Variants in EBF1 observed in about 807,000 individuals in gnomAD.
The protein encoded by EBF1 is EBF transcription factor 1.
EBF1 carries 10 observed loss-of-function variants against 68.4 expected under a neutral mutation model. The ratio of observed to expected loss-of-function variants is 0.15; its 90% confidence interval spans 0.09 to 0.25. EBF1 has a LOEUF of 0.25. EBF1 is among the 10% of genes least tolerant of loss of function. The pLI, the probability that EBF1 is intolerant of heterozygous loss-of-function variation, is 1.00. For synonymous variants in EBF1, 298 were observed against 299.8 expected (o/e 0.99, Z 0.06); for missense variants, 509 against 794.4 (o/e 0.64, Z 4.32).
intron 6 of EBF1, among the ~76,000 whole-genome samples, chr5:158,974,666 G>A (rs1221581580): frequency 1.3e-5 from 2 of 152,120 alleles, no homozygotes; most frequent in Admixed American, 1.3e-4. Context: ...TTATAAAAAT[G>A]TTTTAAAATG....
chr5:158,709,570 C>A (rs1367383907), intron 14 of EBF1, among the ~76,000 whole-genome samples: 1 of 152,160 alleles, frequency 6.6e-6, no homozygotes, highest in Non-Finnish European at 1.5e-5. Flanking sequence ...AGTGGGAATC[C>A]AATTGGTCAT....
At chr5:158,998,224 C>A (rs546846671) in intron 6 of EBF1, among the ~76,000 whole-genome samples, 53 of 152,224 alleles carry the variant, frequency 3.5e-4, no homozygotes, top group Non-Finnish European at 6.3e-4. Flanking sequence ...TATTTGTTTT[C>A]CAGAGCCAAA....
intron 15 of EBF1, among the ~76,000 whole-genome samples, chr5:158,701,668 C>T (rs1756800615): frequency 6.6e-6 from 1 of 152,248 alleles, no homozygotes; most frequent in Non-Finnish European, 1.5e-5. Context: ...GCAGGAATGC[C>T]TGCTCACAGC....
At chr5:158,938,209 T>C (rs1211745035) in intron 6 of EBF1, among the ~76,000 whole-genome samples, 1 of 152,178 alleles carries the variant, frequency 6.6e-6, no homozygotes, top group African/African-American at 2.4e-5. Context: ...TTGCGATACT[T>C]TAACATAGCC....
intron 15 of EBF1, among the ~76,000 whole-genome samples, chr5:158,707,205 A>G (rs930511138): frequency 6.6e-5 from 10 of 152,230 alleles, no homozygotes; most frequent in South Asian, 2.1e-4. Context: ...GAGGTTGTGC[A>G]GGTCTCAACA....
At chr5:159,051,453 G>GC (rs1185404552) in intron 6 of EBF1, among the ~76,000 whole-genome samples, 12 of 82,840 alleles carry the variant, frequency 1.4e-4, no homozygotes, top group South Asian at 9.8e-4. Flanking sequence ...CCACCCCGCC[G>GC]CCCGGCGGCT....
chr5:158,766,280 TAG>T (rs1772648705), intron 10 of EBF1, among the ~76,000 whole-genome samples: 1 of 152,106 alleles, frequency 6.6e-6, no homozygotes, highest in African/African-American at 2.4e-5. Flanking sequence ...GCACCATGCA[TAG>T]ATTTAAAAAG....
At chr5:158,720,274 G>A (rs1761653741) in intron 11 of EBF1, among the ~76,000 whole-genome samples, 1 of 152,118 alleles carries the variant, frequency 6.6e-6, no homozygotes, top group African/African-American at 2.4e-5. Context: ...TGAAAGCCTG[G>A]GTGACATTAC....
At chr5:158,851,363 AGAAGGAAAGG>A (rs1457076557) in intron 6 of EBF1, among the ~76,000 whole-genome samples, 33 of 122,178 alleles carry the variant, frequency 2.7e-4, no homozygotes, top group African/African-American at 1.0e-3. Flanking sequence ...AAGAAAGGGA[AGAAGGAAAGG>A]GAAGGGAAGG....
At chr5:158,716,447 C>G (rs1200457764) in intron 11 of EBF1, among the ~76,000 whole-genome samples, 1 of 152,166 alleles carries the variant, frequency 6.6e-6, no homozygotes, top group African/African-American at 2.4e-5. Flanking sequence ...AGTACAGCAT[C>G]ACTTCAGGCC....
chr5:158,981,138 G>C (rs994907902), intron 6 of EBF1, among the ~76,000 whole-genome samples: 1 of 151,534 alleles, frequency 6.6e-6, no homozygotes, highest in African/African-American at 2.4e-5. Flanking sequence ...AGCAAGGGTA[G>C]CTAACCATTT....
intron 6 of EBF1, among the ~76,000 whole-genome samples, chr5:159,048,834 C>G (rs775086830): frequency 6.6e-6 from 1 of 152,182 alleles, no homozygotes; most frequent in African/African-American, 2.4e-5. Context: ...ACACCAAAAA[C>G]AGGGTGAGGG....
At chr5:158,772,506 G>T (rs1012969164) in intron 10 of EBF1, among the ~76,000 whole-genome samples, 8 of 152,180 alleles carry the variant, frequency 5.3e-5, no homozygotes. Context: ...CAAATCAGGA[G>T]TATCTGATTA....
At chr5:158,816,476 A>T (rs1783760082) in intron 8 of EBF1, among the ~76,000 whole-genome samples, 1 of 152,268 alleles carries the variant, frequency 6.6e-6, no homozygotes, top group African/African-American at 2.4e-5. Context: ...GGGTCTCTGT[A>T]AAATGAGGAA....
At chr5:158,866,253 A>G (rs1236544246) in intron 6 of EBF1, among the ~76,000 whole-genome samples, 1 of 152,166 alleles carries the variant, frequency 6.6e-6, no homozygotes, top group Non-Finnish European at 1.5e-5. Flanking sequence ...ATGTCCTCTG[A>G]GACAGGAGAA....
chr5:158,781,539 C>G (rs1776454523), intron 9 of EBF1, among the ~76,000 whole-genome samples: 1 of 152,118 alleles, frequency 6.6e-6, no homozygotes, highest in Non-Finnish European at 1.5e-5. Flanking sequence ...CCATCTCAAT[C>G]TCAACATGAC....
At chr5:158,934,948 G>C (rs1332562709) in intron 6 of EBF1, among the ~76,000 whole-genome samples, 1 of 152,238 alleles carries the variant, frequency 6.6e-6, no homozygotes, top group Non-Finnish European at 1.5e-5. Context: ...CAGACTTGTT[G>C]AGTTTAATTT....
intron 6 of EBF1, among the ~76,000 whole-genome samples, chr5:159,031,917 G>A (rs1768988672): frequency 6.7e-6 from 1 of 150,070 alleles, no homozygotes; most frequent in Non-Finnish European, 1.5e-5. Flanking sequence ...ATCTTTTGTG[G>A]GTGCAGTTGC....
chr5:158,995,828 C>T (rs1761299767), intron 6 of EBF1, among the ~76,000 whole-genome samples: 1 of 152,204 alleles, frequency 6.6e-6, no homozygotes, highest in East Asian at 1.9e-4. Flanking sequence ...TGGCCCTTGC[C>T]TGAAACGATG....
Sources: gnomAD v4.1 joint callset for allele counts (sites outside exome capture counted in the v4.1 genomes callset) on GRCh38, gnomAD v4.1.1 for gene constraint, MANE v1.5 for transcripts, NCBI Gene and HGNC (gene_info 2026-07-23, HGNC 2026-07-21) for gene names.